BCL9L: variants seen among roughly 807,000 people sequenced by gnomAD.
BCL9L encodes B-cell CLL/lymphoma 9-like protein.
A neutral mutation model predicts 99.4 loss-of-function variants in BCL9L; 19 were observed. The observed-to-expected ratio is 0.19, with a 90% CI of 0.13 to 0.28. The LOEUF is 0.28. BCL9L is among the 10% of genes least tolerant of loss of function. The probability of loss-of-function intolerance (pLI) is 1.00; values close to 1 mark genes in which losing one functional copy is unlikely to be tolerated. For missense variants in BCL9L, 2,023 were observed against 2,101.6 expected (o/e 0.96, Z 0.73); for synonymous variants, 900 against 854.8 (o/e 1.05, Z -0.92).
chr11:118,909,994 G>T lies in BCL9L; in HGVS notation c.-55C>A. 4 of 1,612,706 alleles carry T rather than the reference G, an allele frequency of 2.5e-6. No individual in the cohort carries two copies. In the Admixed American group the frequency reaches 5.0e-5, roughly 20 times the overall value. The stretch of plus-strand genomic sequence containing the variant: ...CTGTGCGTGCCCAGGGCCCAGCCAG[G>T]TACTCGGTACTGGAGCACGGACTGC... On this transcript the variant is annotated 5_prime_UTR_variant, in exon 3 of 10. Transcript: ENST00000683865.
At chr11:118,910,260 G>A (rs1940722528) in intron 2 of BCL9L, 2 of 369,184 alleles carry the variant, frequency 5.4e-6, no homozygotes, top group South Asian at 6.6e-5. Flanking sequence ...GGGCGGCAGA[G>A]ACAGAATTCA....
chr11:118,900,112 A>G lies in BCL9L; in HGVS notation c.3211T>C (p.Phe1071Leu). 1 of 1,613,710 alleles carries G rather than the reference A, an allele frequency of 6.2e-7. No individual in the cohort carries two copies. The highest frequency in any genetic ancestry group is 8.5e-7 in the Non-Finnish European group (1 of 1,179,852). Reference protein sequence around the residue: ...PSGLMNPSLPFTSSPDPTPSQ... With the variant: ...PSGLMNPSLPLTSSPDPTPSQ... ...GGTGTGGGGTCTGGGGAGGAAGTGA[A>G]TGGTAGGCTGGGGTTCATGAGGCCG... Residue 1071 changes from phenylalanine to leucine, a missense_variant, in exon 9 of 10, where the codon TTC (phenylalanine) becomes CTC (leucine). Around this residue, in one of 3 missense-constraint regions of BCL9L, gnomAD observed 902 missense variants for 888.2 expected, o/e 1.02. Transcript: ENST00000683865. The surrounding 1 kb of genome is among the most constrained non-coding windows in gnomAD (Gnocchi z 5.3).
At chr11:118,906,685 T>C (rs1940534645) in intron 5 of BCL9L, among the ~76,000 whole-genome samples, 1 of 151,600 alleles carries the variant, frequency 6.6e-6, no homozygotes, top group African/African-American at 2.4e-5. Flanking sequence ...TTTCCTTTCT[T>C]TCTCTCTCTC....
At chr11:118,906,324 A>G (rs1397711750) in intron 5 of BCL9L, among the ~76,000 whole-genome samples, 3 of 152,182 alleles carry the variant, frequency 2.0e-5, no homozygotes, top group African/African-American at 7.2e-5. Flanking sequence ...CTATCATCAA[A>G]GGGTTCAGCC....
rs372977631 is a variant in BCL9L, at chr11:118,900,587, T to C, written c.3124+32A>G. ...ACACACTGCTCAGCGCCTGCCTGCC[T>C]GCCTGCCTGCCTGCCTGCGCAATTG... On this transcript the variant is annotated intron_variant, in intron 8 of 9. Transcript: ENST00000683865. The surrounding 1 kb of genome is among the most constrained non-coding windows in gnomAD (Gnocchi z 5.3). 6.4e-7 allele frequency: 1 copy of C among 1,568,534 alleles called. No individual in the cohort carries two copies. Among genetic ancestry groups the C allele is most frequent in the African/African-American group, 1.4e-5 (1 of 73,938 alleles).
At position 118,902,458 on chromosome 11, in the gene BCL9L, G is replaced by C. The variant is rs772758993; in HGVS notation, c.1285C>G (p.Pro429Ala). The C allele has an allele frequency of 1.8e-5, 29 of 1,606,164 alleles. No individual in the cohort carries two copies. Among genetic ancestry groups the C allele is most frequent in the Non-Finnish European group, 2.4e-5 (28 of 1,177,164 alleles). ...RLLLRSGETE[P>A]FLKGPPGGAG... ...CCTCCTGGGGGCCCCTTGAGGAAGG[G>C]CTCAGTCTCTCCGCTGCGGAGCAGC... Residue 429 changes from proline to alanine, a missense_variant, in exon 8 of 10, where the codon CCC (proline) becomes GCC (alanine). By Grantham distance (27) the Pro-to-Ala change is conservative. Transcript: ENST00000683865. The surrounding 1 kb of genome is among the most constrained non-coding windows in gnomAD (Gnocchi z 7.8).
chr11:118,898,728 T>C lies in BCL9L; in HGVS notation c.4187A>G (p.Gln1396Arg), dbSNP rs1250454717. 1 of 1,613,304 alleles carries C rather than the reference T, an allele frequency of 6.2e-7. No individual in the cohort carries two copies. Among genetic ancestry groups the C allele is most frequent in the Non-Finnish European group, 8.5e-7 (1 of 1,179,826 alleles). ...GLNMSMCHPG[Q>R]MSLLGRTGVP... ...GCCTGTCCTGCCCAGCAAGGACATCTGTCCAGGGTGGCACATGGACATGTT... is the reference window on the plus strand; with the variant it reads ...GCCTGTCCTGCCCAGCAAGGACATCCGTCCAGGGTGGCACATGGACATGTT... Residue 1396 changes from glutamine (Q) to arginine (R), a missense_variant, in exon 10 of 10, where the codon CAG becomes CGG. By Grantham distance (43) the Gln-to-Arg change is conservative. This residue lies in a region of BCL9L where 902 missense variants were observed against 888.2 expected (regional missense o/e 1.02). Transcript: ENST00000683865.
chr11:118,919,116 C>CG (rs1941068853), intron 1 of BCL9L, among the ~76,000 whole-genome samples: 1 of 43,194 alleles, frequency 2.3e-5, no homozygotes, highest in Non-Finnish European at 4.9e-5. Context: ...CCCCCCCCCC[C>CG]CGACCCCCCA....
rs774494456 is a variant in BCL9L, at chr11:118,921,080, T to A, written c.-130-2201A>T. On this transcript the variant is annotated intron_variant, in intron 1 of 9. Transcript: ENST00000683865. This position sits in a 1 kb window ranked among gnomAD's most constrained non-coding sequence, Gnocchi z 5.4. The stretch of plus-strand genomic sequence containing the variant: ...CAGACACAACTCCCAAAGATGCACA[T>A]CCAAAGACGTTTCCTAAAAAGCACT... Among the ~76,000 whole-genome samples, 6 of 151,886 alleles carry A rather than the reference T, an allele frequency of 4.0e-5. No individual in the cohort carries two copies. The highest frequency in any genetic ancestry group is 6.6e-5 in the Admixed American group (1 of 15,258).
intron 3 of BCL9L, 27 bp from the exon 4 acceptor site, chr11:118,908,682 A>G (rs561337960): frequency 6.3e-7 from 1 of 1,585,696 alleles, no homozygotes. Flanking sequence ...GAAATGTGAA[A>G]AGTTAACCTT....
At chr11:118,920,920 C>G (rs1228622678) in intron 1 of BCL9L, among the ~76,000 whole-genome samples, 1 of 152,178 alleles carries the variant, frequency 6.6e-6, no homozygotes. Flanking sequence ...CTACATACCC[C>G]AGACATGTTC....
In BCL9L at chr11:118,915,968, A is replaced by C. The variant is rs75590352; in HGVS notation, c.-77+2858T>G. The stretch of plus-strand genomic sequence containing the variant: ...CGCCCAGCAGGACCCACTGATCGGA[A>C]CCCTCCAGCCATCTGTTCCCATTTT... On this transcript the variant is annotated intron_variant, in intron 2 of 9. Coordinates refer to ENST00000683865, the MANE Select transcript of BCL9L (RefSeq NM_001378213.1). Among the ~76,000 whole-genome samples, 496 of 151,938 alleles carry C rather than the reference A, an allele frequency of 3.3e-3. 4 individuals carry two copies. Among genetic ancestry groups the C allele is most frequent in the African/African-American group, 0.012 (480 of 41,406 alleles).
rs1041072773 is a variant in BCL9L at position 118,896,312 on chromosome 11, C to T, written c.*2103G>A. The T allele has an allele frequency of 4.4e-5, 7 of 157,330 alleles. No individual in the cohort carries two copies. The highest frequency in any genetic ancestry group is 1.7e-4 in the African/African-American group (7 of 41,306). The allele number at this position is 157,330 out of a possible 1,614,324, so 9.7% of individuals were successfully genotyped here. On this transcript the variant is annotated 3_prime_UTR_variant, in exon 10 of 10. Transcript: ENST00000683865. ...TTATATATATATTTATATAATGGTA[C>T]AAAATGGCTGGGGGTGTGGCCATGG...
intron 2 of BCL9L, among the ~76,000 whole-genome samples, chr11:118,915,600 T>C (rs1940940130): frequency 6.6e-6 from 1 of 152,142 alleles, no homozygotes; most frequent in Admixed American, 6.5e-5. Flanking sequence ...GCTGGGTGGC[T>C]GTCCACTCTC....
chr11:118,923,258 T>G (rs1941194677), intron 1 of BCL9L, among the ~76,000 whole-genome samples: 1 of 152,140 alleles, frequency 6.6e-6, no homozygotes, highest in Admixed American at 6.5e-5. Flanking sequence ...CTAAAGCAGG[T>G]GCCAGGCATT....
intron 4 of BCL9L, among the ~76,000 whole-genome samples, 198 bp from the exon 5 acceptor site, chr11:118,907,800 G>C (rs1940589869): frequency 6.6e-6 from 1 of 152,174 alleles, no homozygotes; most frequent in Non-Finnish European, 1.5e-5. Flanking sequence ...CCCCATGCCT[G>C]TCTCCCCTCC....
Position 118,914,641 on chromosome 11 carries a change from G to A in BCL9L, c.-77+4185C>T, listed in dbSNP as rs1425779934. Among the ~76,000 whole-genome samples, 1 of 151,908 alleles carries A rather than the reference G, an allele frequency of 6.6e-6. No individual in the cohort carries two copies. The highest frequency in any genetic ancestry group is 2.4e-5 in the African/African-American group (1 of 41,302). ...TCTGCAGGGAGACAGAAGGCCACAC[G>A]GGGTTTCTGGTGTCAGTCCTGGCAC... On this transcript the variant is annotated intron_variant, in intron 2 of 9. Coordinates refer to ENST00000683865, the MANE Select transcript of BCL9L (RefSeq NM_001378213.1). This position sits in a 1 kb window ranked among gnomAD's most constrained non-coding sequence, Gnocchi z 4.4.
chr11:118,900,243 G>A lies in BCL9L; in HGVS notation c.3125-45C>T, dbSNP rs1205559781. 2 of 1,523,708 alleles carry A rather than the reference G, an allele frequency of 1.3e-6. No homozygotes were observed. The highest frequency in any genetic ancestry group is 2.0e-5 in the Admixed American group (1 of 49,588). The allele number at this position is 1,523,708 out of a possible 1,614,324, so 94.4% of individuals were successfully genotyped here. ...AAGAGAGCAGGGGTGACTGGGGAGG[G>A]GCAGATGAGTTTGGCTGTGGATATG... On this transcript the variant is annotated intron_variant, in intron 8 of 9. Transcript: ENST00000683865. This position sits in a 1 kb window ranked among gnomAD's most constrained non-coding sequence, Gnocchi z 5.3.
At chr11:118,906,594 CTTCT>C (rs1016025000) in intron 5 of BCL9L, among the ~76,000 whole-genome samples, 5 of 152,160 alleles carry the variant, frequency 3.3e-5, no homozygotes, top group African/African-American at 1.2e-4. Context: ...TCTTTTCTTT[CTTCT>C]TTCTATGGTC....
Sources: gnomAD v4.1 joint callset for allele counts (sites outside exome capture counted in the v4.1 genomes callset) on GRCh38, gnomAD v4.1.1 for gene constraint, gnomAD v4.1.1 regional missense constraint, Gnocchi (gnomAD v3.1) non-coding constraint, MANE v1.5 for transcripts, NCBI Gene and HGNC (gene_info 2026-07-23, HGNC 2026-07-21) for gene names.